The following SHC4 variants were observed in gnomAD, a reference collection of about 807,000 sequenced individuals.
SHC4 encodes SHC-transforming protein 4.
A neutral mutation model predicts 69.4 loss-of-function variants in SHC4; 41 were observed. The ratio of observed to expected loss-of-function variants is 0.59; its 90% CI spans 0.46 to 0.77. The LOEUF (loss-of-function observed/expected upper bound fraction) is 0.77, where lower values mean the gene tolerates loss of function less well. Among genes scored for constraint, SHC4 ranks in the 30% least tolerant of loss-of-function variants. The probability of loss-of-function intolerance (pLI) is 0.00; values close to 1 mark genes in which losing one functional copy is unlikely to be tolerated. For synonymous variants in SHC4, 318 were observed against 299.3 expected, an observed-to-expected ratio of 1.06 and a Z score of -0.64; for missense variants, 777 against 783.8, an observed-to-expected ratio of 0.99 and a Z score of 0.10.
chr15:48,843,801 C>T (rs1227228281), intron 9 of SHC4, among the ~76,000 whole-genome samples: 3 of 152,114 alleles, frequency 2.0e-5, no homozygotes, highest in African/African-American at 4.8e-5. Context: ...TTTCCCTTCT[C>T]GGGCCCAGCC....
chr15:48,863,879 C>T (rs1000199260), intron 6 of SHC4, among the ~76,000 whole-genome samples: 7 of 151,930 alleles, frequency 4.6e-5, no homozygotes, highest in South Asian at 4.2e-4. Context: ...GGTAATCTTA[C>T]GAAAACCGCC....
At chr15:48,940,269 G>A (rs1003081997) in intron 1 of SHC4, among the ~76,000 whole-genome samples, 1 of 152,136 alleles carries the variant, frequency 6.6e-6, no homozygotes, top group Non-Finnish European at 1.5e-5. Flanking sequence ...TGTGTTTATG[G>A]TCTCTCCTGC....
At chr15:48,921,935 T>C (rs1021440043) in intron 2 of SHC4, among the ~76,000 whole-genome samples, 1 of 152,172 alleles carries the variant, frequency 6.6e-6, no homozygotes, top group African/African-American at 2.4e-5. Flanking sequence ...GAAAAAATAC[T>C]GGAAATGGAT....
chr15:48,869,910 C>T (rs528304828), intron 5 of SHC4, among the ~76,000 whole-genome samples: 1 of 152,134 alleles, frequency 6.6e-6, no homozygotes, highest in African/African-American at 2.4e-5. Context: ...CCATAGTGGC[C>T]ACAAATTATT....
intron 4 of SHC4, among the ~76,000 whole-genome samples, chr15:48,874,420 G>A (rs1899754025): frequency 6.6e-6 from 1 of 152,186 alleles, no homozygotes; most frequent in Non-Finnish European, 1.5e-5. Flanking sequence ...TGCAGAGGAG[G>A]TGAGCAGTGG....
intron 1 of SHC4, among the ~76,000 whole-genome samples, chr15:48,949,428 T>C (rs551736057): frequency 1.3e-5 from 2 of 151,706 alleles, no homozygotes; most frequent in African/African-American, 4.8e-5. Flanking sequence ...CTTCATCAAA[T>C]TATTCTTCCA....
chr15:48,874,651 G>C lies in SHC4; in HGVS notation c.841-2509C>G, dbSNP rs556599496. On this transcript the variant is annotated intron_variant, in intron 4 of 11. Coordinates refer to ENST00000332408, the MANE Select transcript of SHC4 (RefSeq NM_203349.4). ...GCTGAGGTGGTGACGCTAGTGCTGGGGAGTGGCTGCAAATACAGATTAACA... is the reference window on the plus strand; with the variant it reads ...GCTGAGGTGGTGACGCTAGTGCTGGCGAGTGGCTGCAAATACAGATTAACA... 1.3e-4 allele frequency among the ~76,000 whole-genome samples: 20 copies of C among 152,282 alleles called. No individual in the cohort carries two copies. In the South Asian group the frequency reaches 4.1e-3, roughly 32 times the overall value.
intron 6 of SHC4, among the ~76,000 whole-genome samples, chr15:48,862,875 T>G (rs562513987): frequency 1.3e-5 from 2 of 152,194 alleles, no homozygotes; most frequent in East Asian, 3.9e-4. Flanking sequence ...GGCAAGTCAC[T>G]GTCTCCTGTG....
In SHC4 at chr15:48,914,118, C is replaced by T. The variant is rs553067618; in HGVS notation, c.656+10761G>A. Among the ~76,000 whole-genome samples, 5 of 152,338 alleles carry T rather than the reference C, an allele frequency of 3.3e-5. No individual in the cohort carries two copies. In the South Asian group the frequency reaches 1.0e-3, roughly 32 times the overall value. ...TCAAGGGAGCTGTCTGCCTTGGCCT[C>T]CCAAAGTATTGGGATTACAGACATG... On this transcript the variant is annotated intron_variant, in intron 2 of 11. Coordinates refer to ENST00000332408, the MANE Select transcript of SHC4 (RefSeq NM_203349.4).
chr15:48,868,225 T>G lies in SHC4; in HGVS notation c.895-356A>C, dbSNP rs977432771. 2.0e-5 allele frequency among the ~76,000 whole-genome samples: 3 copies of G among 152,212 alleles called. No homozygotes were observed. In the East Asian group the frequency reaches 5.8e-4, roughly 29 times the overall value. ...TTGAAAGTTGAAATATCAGGGATTA[T>G]GCAATCACAAAAGTGACATAAACTA... On this transcript the variant is annotated intron_variant, in intron 5 of 11. Coordinates refer to ENST00000332408, the MANE Select transcript of SHC4 (RefSeq NM_203349.4).
chr15:48,962,987 G>A lies in SHC4; in HGVS notation c.29C>T (p.Ala10Val), dbSNP rs1901572857. MRERGQDSLAGLVLYVGLFG... is the reference protein window; with the variant it reads MRERGQDSLVGLVLYVGLFG... ...GAGTCCTACATACAGCACGAGTCCT[G>A]CCAGGCTGTCCTGGCCGCGTTCTCG... Residue 10 changes from alanine to valine, a missense_variant, in exon 1 of 12, where the codon GCA becomes GTA. Coordinates refer to ENST00000332408, the MANE Select transcript of SHC4 (RefSeq NM_203349.4). 6.2e-7 allele frequency: 1 copy of A among 1,611,002 alleles called. No individual in the cohort carries two copies. Among genetic ancestry groups the A allele is most frequent in the Non-Finnish European group, 8.5e-7 (1 of 1,178,692 alleles).
intron 4 of SHC4, among the ~76,000 whole-genome samples, chr15:48,873,933 C>T (rs919895597): frequency 3.3e-5 from 5 of 152,106 alleles, no homozygotes; most frequent in African/African-American, 4.8e-5. Context: ...GATGGTATTA[C>T]AAAGGTGTCA....
At chr15:48,941,247 T>C (rs1417405492) in intron 1 of SHC4, among the ~76,000 whole-genome samples, 1 of 152,164 alleles carries the variant, frequency 6.6e-6, no homozygotes, top group East Asian at 1.9e-4. Context: ...AAGAAGTTGT[T>C]GACTGAATTC....
intron 1 of SHC4, among the ~76,000 whole-genome samples, chr15:48,936,255 G>A (rs1322082826): frequency 6.6e-6 from 1 of 152,112 alleles, no homozygotes; most frequent in East Asian, 1.9e-4. Flanking sequence ...ATTCACATTG[G>A]AGACTCAACA....
chr15:48,829,645 C>T (rs911261633), intron 11 of SHC4, among the ~76,000 whole-genome samples: 3 of 152,162 alleles, frequency 2.0e-5, no homozygotes, highest in African/African-American at 7.2e-5. Flanking sequence ...CCTTGCCAGG[C>T]GTGGTGGCTC....
intron 4 of SHC4, 109 bp downstream of exon 4, chr15:48,884,139 T>C: frequency 1.7e-6 from 2 of 1,171,184 alleles, no homozygotes; most frequent in Non-Finnish European, 2.2e-6. Context: ...TCCCTTGTGC[T>C]GTATTAGGTT....
chr15:48,833,985 G>A (rs1054145493), intron 11 of SHC4, among the ~76,000 whole-genome samples: 1 of 152,178 alleles, frequency 6.6e-6, no homozygotes, highest in African/African-American at 2.4e-5. Flanking sequence ...GGGGGAACAA[G>A]GGCTGGGACT....
chr15:48,854,894 T>G (rs2095568963), intron 8 of SHC4, among the ~76,000 whole-genome samples: 1 of 152,180 alleles, frequency 6.6e-6, no homozygotes, highest in Non-Finnish European at 1.5e-5. Context: ...TGGGATCATT[T>G]GTATCTCAAA....
intron 2 of SHC4, among the ~76,000 whole-genome samples, chr15:48,917,604 G>C (rs1900650701): frequency 6.6e-6 from 1 of 152,114 alleles, no homozygotes; most frequent in African/African-American, 2.4e-5. Context: ...TCCAGAATCA[G>C]CCAAGGGGAT....
Sources: allele counts gnomAD v4.1 joint callset (sites outside exome capture counted in the v4.1 genomes callset), GRCh38; gene constraint gnomAD v4.1.1; transcripts MANE v1.5; gene names NCBI Gene and HGNC (gene_info 2026-07-23, HGNC 2026-07-21).